ARHGEF7: variants seen among roughly 807,000 people sequenced by gnomAD.
ARHGEF7 encodes PAK-interacting exchange factor beta.
Under a neutral mutation model 109.8 loss-of-function variants are expected in ARHGEF7, and 33 were observed. The observed-to-expected ratio is 0.30, with a 90% CI of 0.23 to 0.40. The LOEUF (loss-of-function observed/expected upper bound fraction) is 0.40. Among genes scored for constraint, ARHGEF7 ranks in the 10% least tolerant of loss-of-function variants. The pLI is 1.00. For synonymous variants in ARHGEF7, 458 were observed against 424.6 expected, an observed-to-expected ratio of 1.08 and a Z score of -0.97; for missense variants, 938 against 1,098.5, an observed-to-expected ratio of 0.85 and a Z score of 2.07.
At chr13:111,154,439 C>T (rs1224593750) in intron 2 of ARHGEF7, among the ~76,000 whole-genome samples, 1 of 152,126 alleles carries the variant, frequency 6.6e-6, no homozygotes, top group Non-Finnish European at 1.5e-5. Context: ...CAAAGTCGTG[C>T]AGAAATAAAA....
intron 3 of ARHGEF7, among the ~76,000 whole-genome samples, chr13:111,208,934 C>T (rs2082188448): frequency 6.6e-6 from 1 of 152,202 alleles, no homozygotes; most frequent in South Asian, 2.1e-4. Flanking sequence ...GGGATATAGA[C>T]CTGGTGTGGC....
chr13:111,283,133 T>C lies in ARHGEF7; in HGVS notation c.1726-6T>C. On this transcript the variant is annotated splice_polypyrimidine_tract_variant and splice_region_variant and intron_variant, in intron 15 of 21. Transcript: ENST00000646102. Reference sequence around the variant, plus strand: ...CTCTGCCCTTCCCGCTCTGTGCCCTTGGCAGCTCCCCTCCCACCCGGTCAC... The same window carrying C: ...CTCTGCCCTTCCCGCTCTGTGCCCTCGGCAGCTCCCCTCCCACCCGGTCAC... 1 of 1,578,192 alleles carries C rather than the reference T, an allele frequency of 6.3e-7. No homozygotes were observed. The highest frequency in any genetic ancestry group is 1.3e-5 in the African/African-American group (1 of 74,578).
chr13:111,156,183 A>AT (rs2076316130), intron 2 of ARHGEF7, among the ~76,000 whole-genome samples: 1 of 142,822 alleles, frequency 7.0e-6, no homozygotes, highest in Non-Finnish European at 1.5e-5. Context: ...TGTTTTTATA[A>AT]TTAAGAGTTT....
chr13:111,286,115 G>A lies in ARHGEF7; in HGVS notation c.1951-32G>A, dbSNP rs543980225. ...GCCAGTGAAAATGATTGGCTTTAGA[G>A]TATGTTAGCATTTTCTTTTGTCTTT... On this transcript the variant is annotated intron_variant, in intron 16 of 21. Coordinates refer to ENST00000646102, the MANE Select transcript of ARHGEF7 (RefSeq NM_001354046.2). 8 of 1,552,050 alleles carry A rather than the reference G, an allele frequency of 5.2e-6. No individual in the cohort carries two copies. In the South Asian group the frequency reaches 6.7e-5, roughly 13 times the overall value.
chr13:111,195,113 T>C (rs1384875696), intron 2 of ARHGEF7, among the ~76,000 whole-genome samples: 4 of 152,300 alleles, frequency 2.6e-5, no homozygotes, highest in East Asian at 1.9e-4. Flanking sequence ...TGTAATACTT[T>C]ATGAGCTTCA....
intron 1 of ARHGEF7, among the ~76,000 whole-genome samples, chr13:111,140,672 A>T (rs186061310): frequency 6.6e-6 from 1 of 152,132 alleles, no homozygotes; most frequent in East Asian, 1.9e-4. Context: ...GCCTTTTATT[A>T]TTAACCTTTT....
chr13:111,210,943 C>T (rs929463598), intron 4 of ARHGEF7, among the ~76,000 whole-genome samples: 7 of 151,998 alleles, frequency 4.6e-5, no homozygotes, highest in African/African-American at 7.3e-5. Context: ...TAGATAGAGT[C>T]GTGATTTGTA....
In ARHGEF7 at chr13:111,228,722, C is replaced by T. The variant is rs749863865; in HGVS notation, c.671-4483C>T. ...GCAGGCAGACACTGCTGAGCACGGG[C>T]AGACACACACAGACATTGACTCTGT... On this transcript the variant is annotated intron_variant, in intron 5 of 21. Coordinates refer to ENST00000646102, the MANE Select transcript of ARHGEF7 (RefSeq NM_001354046.2). The surrounding 1 kb of genome is among the most constrained non-coding windows in gnomAD (Gnocchi z 4.6). Among the ~76,000 whole-genome samples the T allele has an allele frequency of 6.6e-6, 1 of 151,988 alleles. No homozygotes were observed. Among genetic ancestry groups the T allele is most frequent in the Non-Finnish European group, 1.5e-5 (1 of 68,006 alleles).
chr13:111,277,138 T>C (rs1440588016), intron 12 of ARHGEF7, among the ~76,000 whole-genome samples: 1 of 152,198 alleles, frequency 6.6e-6, no homozygotes, highest in Non-Finnish European at 1.5e-5. Context: ...AGACTCCACC[T>C]GTTCCCCCTG....
rs541590117 is a variant in ARHGEF7 at position 111,304,817 on chromosome 13, A to G, written c.*1704A>G. Reference sequence around the variant, plus strand: ...ATTGCCAGCTTCCTCAACTTAGCAGATCATTCACTCATGCGGGCACAAGCA... The same window carrying G: ...ATTGCCAGCTTCCTCAACTTAGCAGGTCATTCACTCATGCGGGCACAAGCA... On this transcript the variant is annotated 3_prime_UTR_variant, in exon 22 of 22. Transcript: ENST00000646102. 1 of 152,402 alleles carries G rather than the reference A, an allele frequency of 6.6e-6. No homozygotes were observed. The highest frequency in any genetic ancestry group is 2.4e-5 in the African/African-American group (1 of 41,594). The allele number at this position is 152,402 out of a possible 1,614,324, so 9.4% of individuals were successfully genotyped here. A position where few individuals can be genotyped will look rare whatever the true frequency, so the allele number is the denominator to read the frequency against.
At chr13:111,281,035 GA>G (rs1214313263) in intron 15 of ARHGEF7, 1 of 168,852 alleles carries the variant, frequency 5.9e-6, no homozygotes, top group Non-Finnish European at 1.3e-5. Context: ...CTTCATTTAA[GA>G]AAACAAAAAA....
chr13:111,114,896 C>G (rs1437514903), upstream of ARHGEF7: 1 of 152,270 alleles, frequency 6.6e-6, no homozygotes, highest in African/African-American at 2.4e-5. Context: ...ACAAACGTCT[C>G]GTTTTCAGCC....
At chr13:111,267,007 T>C in intron 8 of ARHGEF7, 1 of 428,270 alleles carries the variant, frequency 2.3e-6, no homozygotes, top group Non-Finnish European at 4.8e-6. Context: ...GTTCTGGTAG[T>C]CTCTTCCTCA....
chr13:111,157,130 A>G (rs1197243835), intron 2 of ARHGEF7, among the ~76,000 whole-genome samples: 1 of 152,196 alleles, frequency 6.6e-6, no homozygotes. Context: ...TTAAAGGAAT[A>G]TTGTGTGAGT....
chr13:111,293,535 A>G (rs1045343170), intron 19 of ARHGEF7: 3 of 985,126 alleles, frequency 3.0e-6, no homozygotes, highest in Non-Finnish European at 3.6e-6. Context: ...AAAGCACTGA[A>G]TGTGACCTGT....
Position 111,273,678 on chromosome 13 carries a change from TA to T in ARHGEF7, c.1074-132del. ...CCAGATAAGCAGCGCAGATTTGGGA[TA>T]AAAGCTGGAGCCTTCCAGATGTTAA... On this transcript the variant is annotated intron_variant, in intron 9 of 21. Transcript: ENST00000646102. The surrounding 1 kb of genome is among the most constrained non-coding windows in gnomAD (Gnocchi z 4.5). 8.0e-7 allele frequency: 1 copy of T among 1,245,842 alleles called. No individual in the cohort carries two copies. The highest frequency in any genetic ancestry group is 2.8e-4 in the Middle Eastern group (1 of 3,544). 77.2% of individuals were successfully genotyped at this position (1,245,842 alleles called of 1,614,324 possible).
At chr13:111,250,334 C>T (rs574124977) in intron 8 of ARHGEF7, among the ~76,000 whole-genome samples, 1 of 152,352 alleles carries the variant, frequency 6.6e-6, no homozygotes, top group East Asian at 1.9e-4. Flanking sequence ...CGCTTGTGCA[C>T]ACGCTGCCAC....
intron 6 of ARHGEF7, among the ~76,000 whole-genome samples, chr13:111,236,649 A>G (rs2086879162): frequency 6.6e-6 from 1 of 152,156 alleles, no homozygotes; most frequent in Non-Finnish European, 1.5e-5. Context: ...ATTCAGCCAA[A>G]GATTCACCAA....
chr13:111,301,471 G>A lies in ARHGEF7; in HGVS notation c.2412-7G>A, dbSNP rs767581132. 9.3e-6 allele frequency: 15 copies of A among 1,612,722 alleles called. No individual in the cohort carries two copies. Among genetic ancestry groups the A allele is most frequent in the Non-Finnish European group, 1.2e-5 (14 of 1,179,042 alleles). On this transcript the variant is annotated splice_region_variant and splice_polypyrimidine_tract_variant and intron_variant, in intron 20 of 21. Coordinates refer to ENST00000646102, the MANE Select transcript of ARHGEF7 (RefSeq NM_001354046.2). ...TTCATGTGTGTGTGTTCTGTTTCCTGTTTCAGGAGTCTTGTGGATACCGTA... is the reference window on the plus strand; with the variant it reads ...TTCATGTGTGTGTGTTCTGTTTCCTATTTCAGGAGTCTTGTGGATACCGTA...
Sources: allele counts gnomAD v4.1 joint callset (sites outside exome capture counted in the v4.1 genomes callset), GRCh38; gene constraint gnomAD v4.1.1; non-coding constraint Gnocchi (gnomAD v3.1); transcripts MANE v1.5; gene names NCBI Gene and HGNC (gene_info 2026-07-23, HGNC 2026-07-21).